The following NAV3 variants were observed in gnomAD, a reference collection of about 807,000 sequenced individuals.
NAV3 encodes the protein pore membrane and/or filament interacting like protein 1.
In NAV3, 87 loss-of-function variants were observed where a neutral mutation model predicts 244.7. That is an observed-to-expected ratio of 0.36 (90% CI 0.30 to 0.42). The LOEUF is 0.42. NAV3 is among the 20% of genes least tolerant of loss of function. The probability of loss-of-function intolerance (pLI) is 1.00; values close to 1 mark genes in which losing one functional copy is unlikely to be tolerated. For missense variants in NAV3, 2,663 were observed against 2,893.3 expected (o/e 0.92, Z 1.83); for synonymous variants, 1,126 against 1,042.2 (o/e 1.08, Z -1.55).
intron 12 of NAV3, among the ~76,000 whole-genome samples, chr12:78,078,646 C>T (rs1017755719): frequency 2.6e-5 from 4 of 151,918 alleles, no homozygotes; most frequent in East Asian, 1.9e-4. Context: ...CCGCCCACCT[C>T]GGCCTCCCAA....
chr12:77,654,772 G>A (rs751264641), intron 2 of NAV3, among the ~76,000 whole-genome samples: 13 of 147,190 alleles, frequency 8.8e-5, no homozygotes, highest in South Asian at 2.1e-4. Flanking sequence ...CCAGAGGAAC[G>A]ATCAGACAGC....
chr12:78,030,203 A>T (rs985822430), intron 9 of NAV3, among the ~76,000 whole-genome samples: 3 of 152,176 alleles, frequency 2.0e-5, no homozygotes, highest in Non-Finnish European at 4.4e-5. Context: ...TAATAGAATA[A>T]CCCTATAAAA....
intron 29 of NAV3, 24 bp from the exon 30 acceptor site, chr12:78,180,847 T>G: frequency 6.3e-7 from 1 of 1,587,256 alleles, no homozygotes; most frequent in South Asian, 1.1e-5. Context: ...TCAGTTTTTT[T>G]CATGTTTTCC....
intron 25 of NAV3, among the ~76,000 whole-genome samples, chr12:78,175,884 ATGATGATGATGG>A (rs139903819): frequency 0.06 from 9,161 of 151,818 alleles, 251 homozygotes; most frequent in Non-Finnish European, 0.071. Flanking sequence ...AAGTGAAAAA[ATGATGATGATGG>A]TGATGATGAT....
chr12:78,173,939 G>A (rs1958113681), intron 24 of NAV3, among the ~76,000 whole-genome samples: 1 of 151,526 alleles, frequency 6.6e-6, no homozygotes, highest in Non-Finnish European at 1.5e-5. Context: ...TATACGTTTT[G>A]AAAGCAACCA....
At chr12:77,607,412 C>G (rs892424097) in intron 2 of NAV3, among the ~76,000 whole-genome samples, 1 of 151,996 alleles carries the variant, frequency 6.6e-6, no homozygotes, top group African/African-American at 2.4e-5. Context: ...TAAGGAAAAG[C>G]AAACATGGAA....
At chr12:78,100,436 T>C (rs1251829288) in intron 12 of NAV3, among the ~76,000 whole-genome samples, 1 of 151,946 alleles carries the variant, frequency 6.6e-6, no homozygotes, top group Admixed American at 6.6e-5. Context: ...TCTTTTTCTT[T>C]CATCACTTTC....
intron 12 of NAV3, among the ~76,000 whole-genome samples, chr12:78,078,683 C>T (rs1953194313): frequency 1.3e-5 from 2 of 152,080 alleles, no homozygotes; most frequent in Admixed American, 1.3e-4. Context: ...GCGTGAGCCA[C>T]CGCGCCCGGC....
intron 2 of NAV3, among the ~76,000 whole-genome samples, chr12:77,777,247 G>T (rs1016400762): frequency 5.3e-5 from 8 of 152,036 alleles, no homozygotes; most frequent in African/African-American, 1.9e-4. Flanking sequence ...TAACAAAATA[G>T]AACAATTATA....
chr12:77,905,935 G>T (rs780657497), intron 1 of NAV3, among the ~76,000 whole-genome samples: 2 of 152,098 alleles, frequency 1.3e-5, no homozygotes, highest in Non-Finnish European at 2.9e-5. Flanking sequence ...CGTGAGTACC[G>T]TTCCCACGAT....
chr12:77,842,249 A>G (rs1380003548), intron 1 of NAV3, among the ~76,000 whole-genome samples: 1 of 152,124 alleles, frequency 6.6e-6, no homozygotes, highest in Non-Finnish European at 1.5e-5. Context: ...CCAGATATAC[A>G]CAAATACCAT....
chr12:78,038,615 C>G (rs1318839202), intron 9 of NAV3, among the ~76,000 whole-genome samples: 3 of 152,180 alleles, frequency 2.0e-5, no homozygotes, highest in Admixed American at 2.0e-4. Context: ...TCTGAATACA[C>G]CAGGTGCTCC....
intron 9 of NAV3, among the ~76,000 whole-genome samples, chr12:78,044,686 G>A (rs1881463201): frequency 6.6e-6 from 1 of 152,020 alleles, no homozygotes; most frequent in South Asian, 2.1e-4. Context: ...TATTCTCTTT[G>A]TAGCAATTGT....
At chr12:77,821,802 T>C (rs1872755110) in intron 2 of NAV3, among the ~76,000 whole-genome samples, 1 of 152,234 alleles carries the variant, frequency 6.6e-6, no homozygotes, top group South Asian at 2.1e-4. Context: ...TAAAACTTGT[T>C]TGAGATGTCT....
intron 2 of NAV3, among the ~76,000 whole-genome samples, chr12:77,728,465 A>C (rs1031613575): frequency 2.0e-5 from 3 of 152,032 alleles, no homozygotes; most frequent in African/African-American, 7.2e-5. Flanking sequence ...AAGCATCAGC[A>C]CTGAGGAAGC....
At chr12:77,949,671 T>C (rs183790358) in intron 3 of NAV3, among the ~76,000 whole-genome samples, 198 of 152,144 alleles carry the variant, frequency 1.3e-3, no homozygotes, top group African/African-American at 4.6e-3. Flanking sequence ...AGTATATTTG[T>C]TATAATTAAT....
rs2139733909 is a variant in NAV3 at position 78,180,932 on chromosome 12, C to T, written c.5579C>T (p.Ala1860Val). ...TTGAAGGCAGAAACTGGTAACACAGCTAAGCCTACTCGGCCACCGTCAGAA... is the reference window on the plus strand; with the variant it reads ...TTGAAGGCAGAAACTGGTAACACAGTTAAGCCTACTCGGCCACCGTCAGAA... ...DRLKAETGNT[A>V]KPTRPPSESS... Residue 1860 changes from alanine to valine, a missense_variant, in exon 30 of 40, where the codon GCT becomes GTT. Ala to Val is a moderately conservative substitution (Grantham distance 64, BLOSUM62 0). Transcript: ENST00000397909. 6.2e-7 allele frequency: 1 copy of T among 1,613,132 alleles called. No homozygotes were observed.
chr12:77,575,852 C>G (rs1192060138), intron 2 of NAV3, among the ~76,000 whole-genome samples: 4 of 152,096 alleles, frequency 2.6e-5, no homozygotes, highest in Non-Finnish European at 5.9e-5. Flanking sequence ...TAGTAGGATA[C>G]ACACTTCAGA....
In NAV3 at chr12:77,895,955, T is replaced by TA. The variant is rs755975061; in HGVS notation, c.244-44340dup. Among the ~76,000 whole-genome samples the TA allele has an allele frequency of 5.6e-3, 588 of 104,552 alleles. 5 individuals carry two copies. Among genetic ancestry groups the TA allele is most frequent in the South Asian group, 0.04 (115 of 2,872 alleles). The allele number at this position is 104,552 out of a possible 152,430, so 68.6% of individuals were successfully genotyped here. On this transcript the variant is annotated intron_variant, in intron 1 of 39. Transcript: ENST00000397909. ...ACTGCCTTTTGATCTCAATTTCCAG[T>TA]AAAAAAAAAAAAAAAAAAAAAAAAG...
Sources: gnomAD v4.1 joint callset for allele counts (sites outside exome capture counted in the v4.1 genomes callset) on GRCh38, gnomAD v4.1.1 for gene constraint, MANE v1.5 for transcripts, NCBI Gene and HGNC (gene_info 2026-07-23, HGNC 2026-07-21) for gene names.